FOXP1: variants seen among roughly 807,000 people sequenced by gnomAD.
The protein encoded by FOXP1 is forkhead box P1.
FOXP1 carries 15 observed loss-of-function variants against 98.2 expected under a neutral mutation model. That is an observed-to-expected ratio of 0.15 (90% CI 0.10 to 0.24). FOXP1 has a LOEUF of 0.24. FOXP1 is among the 10% of genes least tolerant of loss of function. The pLI is 1.00. For synonymous variants in FOXP1, 371 were observed against 314.5 expected, an observed-to-expected ratio of 1.18 and a Z score of -1.90; for missense variants, 633 against 848.5, an observed-to-expected ratio of 0.75 and a Z score of 3.15.
intron 2 of FOXP1, among the ~76,000 whole-genome samples, chr3:71,499,685 A>G (rs1443550455): frequency 6.6e-6 from 1 of 152,222 alleles, no homozygotes; most frequent in Non-Finnish European, 1.5e-5. Context: ...GAGAGCTTCA[A>G]TCCTTCTCTA....
chr3:71,571,154 G>A (rs565255873), intron 2 of FOXP1: 2 of 152,244 alleles, frequency 1.3e-5, no homozygotes, highest in African/African-American at 4.8e-5. Flanking sequence ...TGTTAGAAAC[G>A]CTTTGTTGAC....
At position 71,575,201 on chromosome 3, in the gene FOXP1, C is replaced by T. The variant is rs183555072; in HGVS notation, c.-298+6348G>A. On this transcript the variant is annotated intron_variant, in intron 2 of 20. Coordinates refer to ENST00000649528, the MANE Select transcript of FOXP1 (RefSeq NM_001349338.3). ...TGGTTAAAAACCACCGTTTTTCATTCGTAATAAAAATCCAAATACATTAAA... is the reference window on the plus strand; with the variant it reads ...TGGTTAAAAACCACCGTTTTTCATTTGTAATAAAAATCCAAATACATTAAA... 3.3e-5 allele frequency among the ~76,000 whole-genome samples: 5 copies of T among 152,166 alleles called. No individual in the cohort carries two copies. In the East Asian group the frequency reaches 7.7e-4, roughly 24 times the overall value.
intron 7 of FOXP1, among the ~76,000 whole-genome samples, chr3:71,074,927 GC>G (rs1299790897): frequency 6.6e-6 from 1 of 152,176 alleles, no homozygotes; most frequent in East Asian, 1.9e-4. Context: ...CATCTCCACT[GC>G]TGGAAAGAGA....
intron 17 of FOXP1, 72 bp from the exon 18 acceptor site, chr3:70,972,748 A>C: frequency 6.7e-7 from 1 of 1,491,768 alleles, no homozygotes; most frequent in East Asian, 2.3e-5. Context: ...CAGTAAATTC[A>C]GCCTAACAGT....
Position 71,183,330 on chromosome 3 carries a change from C to T in FOXP1, c.180+14872G>A, listed in dbSNP as rs562664903. Among the ~76,000 whole-genome samples, 322 of 152,098 alleles carry T rather than the reference C, an allele frequency of 2.1e-3. 2 individuals are homozygous for T. The highest frequency in any genetic ancestry group is 3.0e-3 in the Non-Finnish European group (201 of 67,984). ...CCAACATGGTGAAAACCTGTCTCTACTAAAAATACAAAAAAACATTAGCTG... is the reference window on the plus strand; with the variant it reads ...CCAACATGGTGAAAACCTGTCTCTATTAAAAATACAAAAAAACATTAGCTG... On this transcript the variant is annotated intron_variant, in intron 6 of 20. Transcript: ENST00000649528.
intron 3 of FOXP1, among the ~76,000 whole-genome samples, chr3:71,404,805 G>T (rs2082201554): frequency 6.6e-6 from 1 of 152,108 alleles, no homozygotes; most frequent in Non-Finnish European, 1.5e-5. Context: ...GCCTCACAAG[G>T]TTTTGAAAAG....
At chr3:70,992,621 C>T (rs555806135) in intron 13 of FOXP1, among the ~76,000 whole-genome samples, 1 of 152,094 alleles carries the variant, frequency 6.6e-6, no homozygotes, top group South Asian at 2.1e-4. Context: ...GCTCATTGCA[C>T]CCCAATCGAA....
intron 3 of FOXP1, among the ~76,000 whole-genome samples, chr3:71,456,796 C>CA (rs553539962): frequency 2.8e-5 from 4 of 142,094 alleles, no homozygotes; most frequent in African/African-American, 1.1e-4. Flanking sequence ...ATCAGAAAGT[C>CA]AGTTATTGGT....
At chr3:71,229,695 G>C (rs2066130516) in intron 5 of FOXP1, among the ~76,000 whole-genome samples, 1 of 151,934 alleles carries the variant, frequency 6.6e-6, no homozygotes, top group South Asian at 2.1e-4. Context: ...TCTTTCAGCT[G>C]TTTTCTAGTC....
At chr3:71,348,465 A>T (rs969577593) in intron 4 of FOXP1, among the ~76,000 whole-genome samples, 1 of 151,500 alleles carries the variant, frequency 6.6e-6, no homozygotes, top group African/African-American at 2.4e-5. Flanking sequence ...GTCTTCAACA[A>T]ATACCTATTA....
rs1308895513 is a variant in FOXP1, at chr3:70,954,971, G to C, written c.*4276C>G. The C allele has an allele frequency of 4.3e-6, 1 of 232,576 alleles. No individual in the cohort carries two copies. The highest frequency in any genetic ancestry group is 2.2e-5 in the African/African-American group (1 of 45,292). The allele number at this position is 232,576 out of a possible 1,614,324, so 14.4% of individuals were successfully genotyped here. On this transcript the variant is annotated 3_prime_UTR_variant, in exon 21 of 21. Transcript: ENST00000649528. ...GTCCGGACTGTATCATCTTCATCAA[G>C]GCTTATGGGTAGCAGAGATTGCGTG...
intron 3 of FOXP1, among the ~76,000 whole-genome samples, chr3:71,413,225 C>CACCCCCCCCAAATAGACACACACACACA (rs1560450037): frequency 1.5e-5 from 1 of 65,566 alleles, no homozygotes; most frequent in Non-Finnish European, 2.8e-5. Flanking sequence ...ACACACACAC[C>CACCCCCCCCAAATAGACACACACACACA]CCCCCAAATA....
intron 6 of FOXP1, among the ~76,000 whole-genome samples, chr3:71,179,310 T>G (rs1263054430): frequency 6.6e-6 from 1 of 151,950 alleles, no homozygotes. Flanking sequence ...TTTGTATTTT[T>G]AGTAGAGACA....
chr3:70,970,893 C>G (rs991728523), intron 18 of FOXP1, 88 bp from the exon 19 acceptor site: 5 of 1,014,036 alleles, frequency 4.9e-6, no homozygotes, highest in Non-Finnish European at 6.3e-6. Flanking sequence ...TGCTGGTGCC[C>G]TTCCAAATGA....
intron 2 of FOXP1, among the ~76,000 whole-genome samples, chr3:71,554,046 T>C (rs906856760): frequency 1.3e-5 from 2 of 152,188 alleles, no homozygotes; most frequent in Non-Finnish European, 2.9e-5. Flanking sequence ...CAATATGTTC[T>C]CCACCAAAAT....
chr3:71,577,441 G>GA (rs75549115), intron 2 of FOXP1, among the ~76,000 whole-genome samples: 146 of 139,754 alleles, frequency 1.0e-3, no homozygotes, highest in Admixed American at 1.4e-3. Flanking sequence ...AACGTCCCAG[G>GA]AAAAAAAAAA....
chr3:71,259,166 G>A (rs1312260443), intron 5 of FOXP1, among the ~76,000 whole-genome samples: 4 of 151,738 alleles, frequency 2.6e-5, no homozygotes, highest in African/African-American at 9.7e-5. Flanking sequence ...GAAAAAAGAA[G>A]TAAAGAATGG....
Position 71,234,926 on chromosome 3 carries a change from C to T in FOXP1, c.-11-36534G>A, listed in dbSNP as rs148272592. Among the ~76,000 whole-genome samples, 750 of 152,242 alleles carry T rather than the reference C, an allele frequency of 4.9e-3. 7 individuals are homozygous for T. The highest frequency in any genetic ancestry group is 0.017 in the African/African-American group (723 of 41,528). Reference sequence around the variant, plus strand: ...TTTAAGCACTTAACAAGTAAGTGGGCGCATTTCATGCTGGGTACTGATCTT... The same window carrying T: ...TTTAAGCACTTAACAAGTAAGTGGGTGCATTTCATGCTGGGTACTGATCTT... On this transcript the variant is annotated intron_variant, in intron 5 of 20. Transcript: ENST00000649528.
intron 3 of FOXP1, among the ~76,000 whole-genome samples, chr3:71,431,081 G>A (rs932190141): frequency 3.3e-5 from 5 of 152,208 alleles, no homozygotes; most frequent in African/African-American, 7.2e-5. Flanking sequence ...AAGATGAGCC[G>A]GTGGACATGT....
Sources: gnomAD v4.1 joint callset for allele counts (sites outside exome capture counted in the v4.1 genomes callset) on GRCh38, gnomAD v4.1.1 for gene constraint, MANE v1.5 for transcripts, NCBI Gene and HGNC (gene_info 2026-07-23, HGNC 2026-07-21) for gene names.